RYR2: variants seen among roughly 807,000 people sequenced by gnomAD.
The protein encoded by RYR2 is ryanodine receptor 2.
Under a neutral mutation model 601.1 loss-of-function variants are expected in RYR2, and 227 were observed. That is an observed-to-expected ratio of 0.38 (90% CI 0.34 to 0.42). RYR2 has a LOEUF of 0.42. RYR2 is among the 10% of genes least tolerant of loss of function. RYR2 has a pLI of 1.00. For synonymous variants in RYR2, 2,223 were observed against 2,175.1 expected, an observed-to-expected ratio of 1.02 and a Z score of -0.61; for missense variants, 4,646 against 6,156.5, an observed-to-expected ratio of 0.75 and a Z score of 8.21.
At chr1:237,257,842 G>A (rs540974709) in intron 1 of RYR2, among the ~76,000 whole-genome samples, 12 of 152,236 alleles carry the variant, frequency 7.9e-5, no homozygotes, top group Admixed American at 7.8e-4. Context: ...AGATCTGGAG[G>A]AAGAACAAGC....
intron 73 of RYR2, among the ~76,000 whole-genome samples, chr1:237,721,514 G>A (rs1026497074): frequency 5.3e-5 from 8 of 151,866 alleles, no homozygotes; most frequent in Non-Finnish European, 8.8e-5. Context: ...TGCTTTGTCC[G>A]TTTTTTGTTT....
intron 1 of RYR2, among the ~76,000 whole-genome samples, chr1:237,268,950 A>AAACAAAC (rs1553373195): frequency 9.3e-6 from 1 of 107,150 alleles, no homozygotes; most frequent in Non-Finnish European, 2.1e-5. Flanking sequence ...AAAAAAAAAA[A>AAACAAAC]AAAAAAAAAA....
intron 14 of RYR2, among the ~76,000 whole-genome samples, chr1:237,447,883 TTTTC>T (rs1470058534): frequency 6.3e-5 from 9 of 143,846 alleles, no homozygotes; most frequent in Admixed American, 4.8e-4. Flanking sequence ...TTTCCTTTTC[TTTTC>T]TTTCTTTCTG....
At chr1:237,647,089 T>C (rs906595921) in intron 48 of RYR2, among the ~76,000 whole-genome samples, 6 of 152,200 alleles carry the variant, frequency 3.9e-5, no homozygotes, top group African/African-American at 1.4e-4. Context: ...AAATTCCTTT[T>C]TAATGCGATT....
chr1:237,602,667 C>T (rs66837875), intron 35 of RYR2, among the ~76,000 whole-genome samples: 3 of 151,794 alleles, frequency 2.0e-5, no homozygotes, highest in Admixed American at 6.6e-5. Flanking sequence ...TTCAGTGTAA[C>T]CGTAACAAAG....
intron 24 of RYR2, among the ~76,000 whole-genome samples, chr1:237,525,546 G>A (rs1248039016): frequency 1.3e-5 from 2 of 151,856 alleles, no homozygotes; most frequent in African/African-American, 4.8e-5. Context: ...TGCTTCCCAG[G>A]TTCAAGCAAT....
At chr1:237,157,484 T>A (rs1434543305) in intron 1 of RYR2, among the ~76,000 whole-genome samples, 1 of 152,124 alleles carries the variant, frequency 6.6e-6, no homozygotes, top group African/African-American at 2.4e-5. Flanking sequence ...GGAATCAGTC[T>A]AAGTGTCCAT....
At chr1:237,138,288 C>A (rs1673015448) in intron 1 of RYR2, among the ~76,000 whole-genome samples, 1 of 152,174 alleles carries the variant, frequency 6.6e-6, no homozygotes, top group Non-Finnish European at 1.5e-5. Flanking sequence ...CCACCTTGGC[C>A]TCCCAAAGTG....
chr1:237,439,611 T>A (rs778972087), intron 12 of RYR2, among the ~76,000 whole-genome samples: 3 of 151,474 alleles, frequency 2.0e-5, no homozygotes, highest in Non-Finnish European at 2.9e-5. Flanking sequence ...GCCACTGCAT[T>A]CCAGCCTGGG....
intron 1 of RYR2, among the ~76,000 whole-genome samples, chr1:237,189,441 A>C (rs1026627746): frequency 1.3e-5 from 2 of 152,186 alleles, no homozygotes; most frequent in Non-Finnish European, 2.9e-5. Context: ...TCGTGGATGG[A>C]ATATGTCCCC....
At chr1:237,375,808 G>C (rs1384667401) in intron 7 of RYR2, among the ~76,000 whole-genome samples, 1 of 152,142 alleles carries the variant, frequency 6.6e-6, no homozygotes, top group Non-Finnish European at 1.5e-5. Flanking sequence ...AGTTAAATGA[G>C]AAAGTTGTCA....
intron 47 of RYR2, among the ~76,000 whole-genome samples, chr1:237,641,470 TGTC>T (rs1681480991): frequency 3.9e-5 from 1 of 25,488 alleles, no homozygotes; most frequent in Non-Finnish European, 1.9e-4. Context: ...AGTGTCTGTC[TGTC>T]TTTCTTTCTT....
rs750064223 is a variant in RYR2 at position 237,784,464 on chromosome 1, A to G, written c.12752A>G (p.Asn4251Ser). 5.0e-6 allele frequency: 8 copies of G among 1,613,576 alleles called. No homozygotes were observed. In the Admixed American group the frequency reaches 6.7e-5, roughly 13 times the overall value. The change falls in exon 90 of 105, where the codon AAT (asparagine) becomes AGT (serine). Residue 4251 changes from asparagine (N) to serine (S), a missense_variant. Physicochemically the swap from Asn to Ser is conservative, Grantham distance 46. This residue lies in a region of RYR2 where 364 missense variants were observed against 442.9 expected (regional missense o/e 0.82). Coordinates refer to ENST00000366574, the MANE Select transcript of RYR2 (RefSeq NM_001035.3). This position sits in a 1 kb window ranked among gnomAD's most constrained non-coding sequence, Gnocchi z 7.1. ...TCGGCCCTGTTTGCGCTCAGGTACA[A>G]TATCTTGACCCTTATGCGAATGCTC... ...VRSALFALRY[N>S]ILTLMRMLSL...
intron 42 of RYR2, among the ~76,000 whole-genome samples, 182 bp downstream of exon 42, chr1:237,631,723 G>T (rs1446314492): frequency 7.0e-6 from 1 of 142,960 alleles, no homozygotes; most frequent in Non-Finnish European, 1.5e-5. Flanking sequence ...CGCCTCCCGG[G>T]TTCACGCCAT....
At chr1:237,802,692 G>A (rs777478197) in intron 98 of RYR2, among the ~76,000 whole-genome samples, 5 of 152,224 alleles carry the variant, frequency 3.3e-5, no homozygotes. Context: ...TGAATAACAA[G>A]AGGGCAACCT....
At position 237,441,620 on chromosome 1, in the gene RYR2, T is replaced by C. The variant is rs564678398; in HGVS notation, c.1170+137T>C. On this transcript the variant is annotated intron_variant, in intron 13 of 104. Coordinates refer to ENST00000366574, the MANE Select transcript of RYR2 (RefSeq NM_001035.3). ...TTGCAAGTGAAAGGGCAGATTCCAC[T>C]GTAATAGACTCTTTAGCTTTGTAAA... The C allele has an allele frequency of 6.3e-5, 42 of 663,650 alleles. 1 individual carries two copies. In the South Asian group the frequency reaches 1.1e-3, roughly 18 times the overall value. The allele number at this position is 663,650 out of a possible 1,614,324, so 41.1% of individuals were successfully genotyped here. A position where few individuals can be genotyped will look rare whatever the true frequency, so the allele number is the denominator to read the frequency against.
intron 3 of RYR2, among the ~76,000 whole-genome samples, chr1:237,341,946 T>C (rs976637642): frequency 6.6e-6 from 1 of 152,210 alleles, no homozygotes; most frequent in Non-Finnish European, 1.5e-5. Context: ...TCACTATTAG[T>C]TCCCCCTTTC....
At chr1:237,221,611 T>C (rs1293850502) in intron 1 of RYR2, among the ~76,000 whole-genome samples, 1 of 152,204 alleles carries the variant, frequency 6.6e-6, no homozygotes, top group Non-Finnish European at 1.5e-5. Context: ...GTACTGCAAA[T>C]TTTTCAAGAA....
At chr1:237,628,449 C>G (rs1006557009) in intron 41 of RYR2, among the ~76,000 whole-genome samples, 5 of 150,092 alleles carry the variant, frequency 3.3e-5, no homozygotes, top group African/African-American at 1.2e-4. Context: ...CAATTCCCAC[C>G]TATGAGTGAG....
Sources: allele counts gnomAD v4.1 joint callset (sites outside exome capture counted in the v4.1 genomes callset), GRCh38; gene constraint gnomAD v4.1.1; regional missense constraint gnomAD v4.1.1; non-coding constraint Gnocchi (gnomAD v3.1); transcripts MANE v1.5; gene names NCBI Gene and HGNC (gene_info 2026-07-23, HGNC 2026-07-21).